TGFBR2: variants seen among roughly 807,000 people sequenced by gnomAD.
TGFBR2 encodes transforming growth factor beta receptor 2, also known as TGF-beta receptor type-2.
Under a neutral mutation model 49.0 loss-of-function variants are expected in TGFBR2, and 18 were observed. That is an observed-to-expected ratio of 0.37 (90% CI 0.25 to 0.54). The LOEUF (loss-of-function observed/expected upper bound fraction) is 0.54, where lower values mean the gene tolerates loss of function less well. TGFBR2 is among the 20% of genes least tolerant of loss of function. The pLI, the probability that TGFBR2 is intolerant of heterozygous loss-of-function variation, is 0.85. For synonymous variants in TGFBR2, 282 were observed against 275.9 expected, an observed-to-expected ratio of 1.02 and a Z score of -0.22; for missense variants, 525 against 722.6, an observed-to-expected ratio of 0.73 and a Z score of 3.13.
intron 1 of TGFBR2, among the ~76,000 whole-genome samples, chr3:30,634,513 A>C (rs2125395038): frequency 6.6e-6 from 1 of 152,304 alleles, no homozygotes; most frequent in Non-Finnish European, 1.5e-5. Flanking sequence ...CAAGGGTTTA[A>C]ATATGAGGGC....
chr3:30,631,125 C>T (rs1247228837), intron 1 of TGFBR2, among the ~76,000 whole-genome samples: 1 of 149,004 alleles, frequency 6.7e-6, no homozygotes, highest in Non-Finnish European at 1.5e-5. Context: ...TCTGCAACCT[C>T]TGTCTCCTGG....
At chr3:30,653,854 A>G (rs1698945918) in intron 3 of TGFBR2, among the ~76,000 whole-genome samples, 3 of 152,182 alleles carry the variant, frequency 2.0e-5, no homozygotes, top group Non-Finnish European at 4.4e-5. Context: ...CTTTCCAAGC[A>G]TGACCTCATT....
intron 1 of TGFBR2, among the ~76,000 whole-genome samples, chr3:30,618,849 T>C (rs920729565): frequency 1.3e-5 from 2 of 152,238 alleles, no homozygotes; most frequent in African/African-American, 2.4e-5. Context: ...ACATTTGTTT[T>C]AGACTTTTCT....
chr3:30,689,355 C>T (rs1193888442), intron 6 of TGFBR2, among the ~76,000 whole-genome samples: 2 of 152,178 alleles, frequency 1.3e-5, no homozygotes, highest in Admixed American at 6.5e-5. Context: ...TGAGAGAGAA[C>T]AGTGTGGCCC....
At position 30,676,075 on chromosome 3, in the gene TGFBR2, T is replaced by G. The variant is rs908651561; in HGVS notation, c.1396+1829T>G. 1.3e-5 allele frequency among the ~76,000 whole-genome samples: 2 copies of G among 152,212 alleles called. No individual in the cohort carries two copies. The highest frequency in any genetic ancestry group is 4.8e-5 in the African/African-American group (2 of 41,454). Reference sequence around the variant, plus strand: ...GGTCTCTCACTTTGGGTTTCACTAATGTTTTCTCATGATTAGATTGAGATT... The same window carrying G: ...GGTCTCTCACTTTGGGTTTCACTAAGGTTTTCTCATGATTAGATTGAGATT... On this transcript the variant is annotated intron_variant, in intron 5 of 6. Transcript: ENST00000295754. This position sits in a 1 kb window ranked among gnomAD's most constrained non-coding sequence, Gnocchi z 4.3.
rs566359371 is a variant in TGFBR2, at chr3:30,694,060, A to G, written c.*2461A>G. 4.3e-6 allele frequency: 1 copy of G among 230,668 alleles called. No homozygotes were observed. Among genetic ancestry groups the G allele is most frequent in the Non-Finnish European group, 8.6e-6 (1 of 116,130 alleles). The allele number at this position is 230,668 out of a possible 1,614,324, so 14.3% of individuals were successfully genotyped here. A position where few individuals can be genotyped will look rare whatever the true frequency, so the allele number is the denominator to read the frequency against. On this transcript the variant is annotated 3_prime_UTR_variant, in exon 7 of 7. Coordinates refer to ENST00000295754, the MANE Select transcript of TGFBR2 (RefSeq NM_003242.6). ...ATTCTATGCATTGTTTGTCTTTTAC[A>G]TAAATAAAATGTTTATTAGATTGAA...
chr3:30,665,782 G>A (rs1699232374), intron 3 of TGFBR2, among the ~76,000 whole-genome samples: 2 of 152,150 alleles, frequency 1.3e-5, no homozygotes, highest in Non-Finnish European at 2.9e-5. Flanking sequence ...TCTGTGCCAT[G>A]GACTTCTTGA....
rs1699754610 is a variant in TGFBR2, at chr3:30,693,944, T to C, written c.*2345T>C. On this transcript the variant is annotated 3_prime_UTR_variant, in exon 7 of 7. Transcript: ENST00000295754. Reference sequence around the variant, plus strand: ...ACATAAAGGGAAAGTTTTATTCTTTTATGGAACACTTCAGCTGTACTCATG... The same window carrying C: ...ACATAAAGGGAAAGTTTTATTCTTTCATGGAACACTTCAGCTGTACTCATG... 4.3e-6 allele frequency: 1 copy of C among 230,984 alleles called. No individual in the cohort carries two copies. The highest frequency in any genetic ancestry group is 5.6e-5 in the Admixed American group (1 of 17,702). 14.3% of individuals were successfully genotyped at this position (230,984 alleles called of 1,614,324 possible). A position where few individuals can be genotyped will look rare whatever the true frequency, so the allele number is the denominator to read the frequency against.
At chr3:30,619,160 A>G (rs1309900897) in intron 1 of TGFBR2, among the ~76,000 whole-genome samples, 2 of 152,192 alleles carry the variant, frequency 1.3e-5, no homozygotes, top group Admixed American at 1.3e-4. Context: ...TGTTGCATCA[A>G]ATCTTAAGTT....
intron 5 of TGFBR2, among the ~76,000 whole-genome samples, chr3:30,679,484 C>T (rs187895558): frequency 6.6e-6 from 1 of 152,260 alleles, no homozygotes; most frequent in Admixed American, 6.5e-5. Context: ...CTTCATTTCG[C>T]ACAAAATTCC....
At chr3:30,638,683 GTGTT>G (rs775020281) in intron 1 of TGFBR2, among the ~76,000 whole-genome samples, 10 of 152,202 alleles carry the variant, frequency 6.6e-5, no homozygotes, top group Admixed American at 5.9e-4. Context: ...TAATCACAAG[GTGTT>G]TGTTTGGTTG....
chr3:30,659,785 C>T (rs1699082020), intron 3 of TGFBR2, among the ~76,000 whole-genome samples: 1 of 151,726 alleles, frequency 6.6e-6, no homozygotes, highest in African/African-American at 2.4e-5. Flanking sequence ...TCTCCCACTG[C>T]GGCCTCCATG....
At chr3:30,613,580 G>T (rs958613191) in intron 1 of TGFBR2, among the ~76,000 whole-genome samples, 3 of 152,108 alleles carry the variant, frequency 2.0e-5, no homozygotes, top group Non-Finnish European at 2.9e-5. Context: ...GAGCGAGCTT[G>T]GGTGTCCACA....
intron 3 of TGFBR2, among the ~76,000 whole-genome samples, chr3:30,666,528 G>T (rs984448719): frequency 6.6e-6 from 1 of 151,952 alleles, no homozygotes; most frequent in East Asian, 1.9e-4. Flanking sequence ...AATGTCAGTC[G>T]GTGGATGGCT....
At position 30,657,425 on chromosome 3, in the gene TGFBR2, G is replaced by T. The variant is rs79070459; in HGVS notation, c.454+6965G>T. On this transcript the variant is annotated intron_variant, in intron 3 of 6. Coordinates refer to ENST00000295754, the MANE Select transcript of TGFBR2 (RefSeq NM_003242.6). ...GCTCATCTGTTGGGAAGACAACAGA[G>T]GGCAGGGCTGAGAGCATGGCTTCCC... Among the ~76,000 whole-genome samples the T allele has an allele frequency of 6.8e-3, 1,030 of 152,290 alleles. 11 individuals are homozygous for T. The highest frequency in any genetic ancestry group is 0.024 in the African/African-American group (991 of 41,548).
At chr3:30,645,710 TC>T (rs1454707044) in intron 2 of TGFBR2, among the ~76,000 whole-genome samples, 2 of 152,064 alleles carry the variant, frequency 1.3e-5, no homozygotes, top group African/African-American at 4.8e-5. Context: ...GGTCTCGAAC[TC>T]CCGACCTCAG....
intron 3 of TGFBR2, among the ~76,000 whole-genome samples, chr3:30,653,542 A>G (rs1964357): frequency 0.16 from 24,458 of 151,868 alleles, 2,240 homozygotes; most frequent in East Asian, 0.37. Context: ...ATGAGCCACC[A>G]CACCCGGCCA....
intron 6 of TGFBR2, among the ~76,000 whole-genome samples, chr3:30,689,790 T>A (rs304839): frequency 0.86 from 131,045 of 152,304 alleles, 56,744 homozygotes; most frequent in African/African-American, 0.97. Flanking sequence ...CTCGTAATGA[T>A]GCCATTATTC....
At chr3:30,654,368 C>T (rs1698955735) in intron 3 of TGFBR2, among the ~76,000 whole-genome samples, 1 of 152,092 alleles carries the variant, frequency 6.6e-6, no homozygotes, top group African/African-American at 2.4e-5. Flanking sequence ...TTTCTTTGAA[C>T]CGGGTACCTA....
Sources: gnomAD v4.1 joint callset for allele counts (sites outside exome capture counted in the v4.1 genomes callset) on GRCh38, gnomAD v4.1.1 for gene constraint, Gnocchi (gnomAD v3.1) non-coding constraint, MANE v1.5 for transcripts, NCBI Gene and HGNC (gene_info 2026-07-23, HGNC 2026-07-21) for gene names.